CACNA1S: variants seen among roughly 807,000 people sequenced by gnomAD.
CACNA1S encodes the protein voltage-dependent L-type calcium channel subunit alpha-1S.
In CACNA1S, 126 loss-of-function variants were observed where a neutral mutation model predicts 207.4. The ratio of observed to expected loss-of-function variants is 0.61; its 90% CI spans 0.53 to 0.70. The LOEUF (loss-of-function observed/expected upper bound fraction) is 0.70, where lower values mean the gene tolerates loss of function less well. Ranked by LOEUF, CACNA1S falls within the 30% of genes least tolerant of loss-of-function variation. The pLI, the probability that CACNA1S is intolerant of heterozygous loss-of-function variation, is 0.00. For synonymous variants in CACNA1S, 960 were observed against 932.7 expected (o/e 1.03, Z -0.53); for missense variants, 2,349 against 2,422.8 (o/e 0.97, Z 0.64).
In CACNA1S at chr1:201,091,737, G is replaced by A. The variant is rs2296383; in HGVS notation, c.597C>T (p.Ile199=). 0.41 allele frequency: 668,986 copies of A among 1,613,646 alleles called. 143,858 individuals carry two copies. Among genetic ancestry groups the A allele is most frequent in the South Asian group, 0.45 (40,949 of 91,074 alleles). ...TGACCATAAAGAGGACCAGCAGGGC[G>A]ATGTGAAAGAGGGGGAGCATGGCCT... ...IFKAMLPLFH[I]ALLVLFMVII... is the part of the protein sequence containing the mutation. The change falls in exon 5 of 44, where the codon ATC becomes ATT. Residue 199 remains isoleucine (I), a synonymous_variant. Coordinates refer to ENST00000362061, the MANE Select transcript of CACNA1S (RefSeq NM_000069.3).
chr1:201,060,591 T>TCATCCTGCCCTACC (rs3831308), intron 26 of CACNA1S, 67 bp downstream of exon 26: 34,502 of 1,560,640 alleles, frequency 0.022, 1,307 homozygotes, highest in East Asian at 0.2. Context: ...CCTGCCCTAC[T>TCATCCTGCCCTACC]CATCCTGCCC....
chr1:201,048,995 C>T lies in CACNA1S; in HGVS notation c.4338+8G>A. ...CTGGGGCCACCCATCCCTGGCAGCT[C>T]TGGTTACCTTACAAGCTACCCGATG... On this transcript the variant is annotated splice_region_variant and intron_variant, in intron 35 of 43. Transcript: ENST00000362061. 1 of 1,610,726 alleles carries T rather than the reference C, an allele frequency of 6.2e-7. No homozygotes were observed. Among genetic ancestry groups the T allele is most frequent in the Non-Finnish European group, 8.5e-7 (1 of 1,177,214 alleles).
At position 201,066,360 on chromosome 1, in the gene CACNA1S, A is replaced by T. The variant is rs41267503; in HGVS notation, c.2658-44T>A. The stretch of plus-strand genomic sequence containing the variant: ...GAGGGGGCTGAGGGCAGCCTGCTCC[A>T]GCCAGCCCAGTCTGCGGTGGAGCCT... On this transcript the variant is annotated intron_variant, in intron 20 of 43. Transcript: ENST00000362061. This position sits in a 1 kb window ranked among gnomAD's most constrained non-coding sequence, Gnocchi z 4.3. The T allele has an allele frequency of 0.039, 60,857 of 1,547,542 alleles. 1,410 individuals are homozygous for T. Among genetic ancestry groups the T allele is most frequent in the Non-Finnish European group, 0.043 (48,293 of 1,130,220 alleles).
rs967659538 is a variant in CACNA1S, at chr1:201,066,822, C to T, written c.2657+65G>A. 1.6e-6 allele frequency: 2 copies of T among 1,272,976 alleles called. No homozygotes were observed. Among genetic ancestry groups the T allele is most frequent in the Non-Finnish European group, 2.3e-6 (2 of 884,166 alleles). The allele number at this position is 1,272,976 out of a possible 1,614,324, so 78.9% of individuals were successfully genotyped here. A position where few individuals can be genotyped will look rare whatever the true frequency, so the allele number is the denominator to read the frequency against. ...CCCACCAACATGGGTGGGACTCCCA[C>T]TACAAAGCCCTGGCACAGAGCAGAG... On this transcript the variant is annotated intron_variant, in intron 20 of 43. Coordinates refer to ENST00000362061, the MANE Select transcript of CACNA1S (RefSeq NM_000069.3). The surrounding 1 kb of genome is among the most constrained non-coding windows in gnomAD (Gnocchi z 4.3).
chr1:201,073,672 A>T, intron 14 of CACNA1S, 30 bp from the exon 15 acceptor site: 2 of 1,559,402 alleles, frequency 1.3e-6, no homozygotes, highest in Non-Finnish European at 8.8e-7. Flanking sequence ...GTGGAAGCCA[A>T]ACCAGAAAGT....
At chr1:201,076,054 C>T (rs1164580030) in intron 12 of CACNA1S, among the ~76,000 whole-genome samples, 6 of 152,104 alleles carry the variant, frequency 3.9e-5, no homozygotes, top group Non-Finnish European at 8.8e-5. Context: ...GGTGACAGAG[C>T]GAGACTCCAT....
intron 4 of CACNA1S, 85 bp from the exon 5 acceptor site, chr1:201,091,877 C>T: frequency 6.3e-7 from 1 of 1,599,224 alleles, no homozygotes; most frequent in Non-Finnish European, 8.5e-7. Flanking sequence ...CTGGGAAGCC[C>T]CTGAGATGTC....
chr1:201,052,470 G>A (rs1660687437), intron 32 of CACNA1S, 87 bp downstream of exon 32: 3 of 1,061,606 alleles, frequency 2.8e-6, no homozygotes, highest in South Asian at 2.5e-5. Flanking sequence ...CACCCATGAA[G>A]CCAGCCCTGG....
Position 201,061,454 on chromosome 1 carries a change from G to A in CACNA1S, c.3068C>T (p.Ala1023Val), listed in dbSNP as rs531749368. ...FEGWPQLLYK[A>V]IDSNAEDVGP... ...CACGTCCTCCGCATTGGAGTCTATG[G>A]CCTTGTACAGCAGCCTGGGGGTGGG... is the stretch of plus-strand genomic sequence containing the variant. The change falls in exon 25 of 44, where the codon GCC becomes GTC. Residue 1023 changes from alanine (A) to valine (V), a missense_variant. Coordinates refer to ENST00000362061, the MANE Select transcript of CACNA1S (RefSeq NM_000069.3). The A allele has an allele frequency of 6.2e-7, 1 of 1,614,078 alleles. No individual in the cohort carries two copies. Among genetic ancestry groups the A allele is most frequent in the Non-Finnish European group, 8.5e-7 (1 of 1,179,936 alleles).
chr1:201,065,877 T>A lies in CACNA1S; in HGVS notation c.2814A>T (p.Leu938=). 6.2e-7 allele frequency: 1 copy of A among 1,613,972 alleles called. No homozygotes were observed. Among genetic ancestry groups the A allele is most frequent in the Non-Finnish European group, 8.5e-7 (1 of 1,179,918 alleles). The change falls in exon 22 of 44, where the codon CTA becomes CTT. Residue 938 remains leucine, a synonymous_variant. Coordinates refer to ENST00000362061, the MANE Select transcript of CACNA1S (RefSeq NM_000069.3). ...CGCCGATGCAGGCAAACATGAACTG[T>A]AGGAGGGTAGTGACCAGCACGATGT... ...IGNIVLVTTL[L]QFMFACIGVQ... is the part of the protein sequence containing the mutation.
chr1:201,107,575 G>T (rs957111454), intron 2 of CACNA1S, among the ~76,000 whole-genome samples: 1 of 152,198 alleles, frequency 6.6e-6, no homozygotes, highest in Non-Finnish European at 1.5e-5. Context: ...AAATGAATGA[G>T]AAAGGTCATG....
intron 8 of CACNA1S, 48 bp from the exon 9 acceptor site, chr1:201,085,079 GC>G (rs1558076632): frequency 7.3e-7 from 1 of 1,362,564 alleles, no homozygotes; most frequent in Admixed American, 1.7e-5. Context: ...GCCCCTCTGG[GC>G]TGGACACACC....
chr1:201,105,141 A>C (rs1662830026), intron 2 of CACNA1S, among the ~76,000 whole-genome samples: 1 of 152,230 alleles, frequency 6.6e-6, no homozygotes, highest in Admixed American at 6.5e-5. Context: ...GAAGACACAG[A>C]GTTAAAGAGA....
intron 22 of CACNA1S, among the ~76,000 whole-genome samples, chr1:201,064,399 G>T (rs190409647): frequency 7.2e-4 from 110 of 152,302 alleles, no homozygotes; most frequent in Middle Eastern, 6.8e-3. Flanking sequence ...CCTATTCCCC[G>T]CGAAGATTCT....
At chr1:201,076,591 AC>A (rs1661631681) in intron 12 of CACNA1S, among the ~76,000 whole-genome samples, 1 of 152,152 alleles carries the variant, frequency 6.6e-6, no homozygotes, top group African/African-American at 2.4e-5. Context: ...TTGCCCTGAG[AC>A]CTGAGTGGCA....
intron 2 of CACNA1S, among the ~76,000 whole-genome samples, chr1:201,094,979 C>T (rs530618928): frequency 5.5e-4 from 84 of 152,116 alleles, no homozygotes; most frequent in African/African-American, 2.0e-3. Context: ...TGAAACTGCT[C>T]TCCTTGCAGC....
At chr1:201,094,151 G>A in intron 2 of CACNA1S, 130 bp from the exon 3 acceptor site, 1 of 1,027,696 alleles carries the variant, frequency 9.7e-7, no homozygotes, top group Non-Finnish European at 1.5e-6. Context: ...TGCACTTGCT[G>A]ATGGAATGCC....
rs192846397 is a variant in CACNA1S at position 201,066,390 on chromosome 1, C to G, written c.2658-74G>C. On this transcript the variant is annotated intron_variant, in intron 20 of 43. Coordinates refer to ENST00000362061, the MANE Select transcript of CACNA1S (RefSeq NM_000069.3). This position sits in a 1 kb window ranked among gnomAD's most constrained non-coding sequence, Gnocchi z 4.3. ...GCCCAGTCTGCGGTGGAGCCTCCAG[C>G]CATATCCTGCCCTCCACACCAGCTG... The G allele has an allele frequency of 7.5e-4, 941 of 1,247,766 alleles. 7 individuals are homozygous for G. The African/African-American group carries it at 0.013, about 17-fold the overall frequency. The allele number at this position is 1,247,766 out of a possible 1,614,324, so 77.3% of individuals were successfully genotyped here.
At position 201,091,730 on chromosome 1, in the gene CACNA1S, G is replaced by C; in HGVS notation, c.604C>G (p.Leu202Val). ...TAGATGATGACCATAAAGAGGACCAGCAGGGCGATGTGAAAGAGGGGGAGC... is the reference window on the plus strand; with the variant it reads ...TAGATGATGACCATAAAGAGGACCACCAGGGCGATGTGAAAGAGGGGGAGC... ...AMLPLFHIAL[L>V]VLFMVIIYAI... The change falls in exon 5 of 44, where the codon CTG becomes GTG. Residue 202 changes from leucine (L) to valine (V), a missense_variant. Leu to Val is a conservative substitution (Grantham distance 32). Transcript: ENST00000362061. 6.2e-7 allele frequency: 1 copy of C among 1,614,124 alleles called. No homozygotes were observed. Among genetic ancestry groups the C allele is most frequent in the Non-Finnish European group, 8.5e-7 (1 of 1,179,946 alleles).
Sources: gnomAD v4.1 joint callset for allele counts (sites outside exome capture counted in the v4.1 genomes callset) on GRCh38, gnomAD v4.1.1 for gene constraint, Gnocchi (gnomAD v3.1) non-coding constraint, MANE v1.5 for transcripts, NCBI Gene and HGNC (gene_info 2026-07-23, HGNC 2026-07-21) for gene names.